PPFIA2: variants seen among roughly 807,000 people sequenced by gnomAD.
The protein encoded by PPFIA2 is liprin-alpha-2.
PPFIA2 carries 46 observed loss-of-function variants against 175.5 expected under a neutral mutation model. The ratio of observed to expected loss-of-function variants is 0.26; its 90% CI spans 0.21 to 0.34. The LOEUF (loss-of-function observed/expected upper bound fraction) is 0.34. Ranked by LOEUF, PPFIA2 falls within the 10% of genes least tolerant of loss-of-function variation. The pLI, the probability that PPFIA2 is intolerant of heterozygous loss-of-function variation, is 1.00. For missense variants in PPFIA2, 1,179 were observed against 1,506.1 expected, an observed-to-expected ratio of 0.78 and a Z score of 3.60; for synonymous variants, 568 against 511.4, an observed-to-expected ratio of 1.11 and a Z score of -1.49.
chr12:81,361,808 C>T (rs2030537718), intron 15 of PPFIA2, among the ~76,000 whole-genome samples: 1 of 148,806 alleles, frequency 6.7e-6, no homozygotes, highest in Admixed American at 6.7e-5. Flanking sequence ...GAAAGATGAA[C>T]TTCTACTAAA....
intron 4 of PPFIA2, among the ~76,000 whole-genome samples, chr12:81,550,059 A>C (rs2067649595): frequency 6.6e-6 from 1 of 151,978 alleles, no homozygotes; most frequent in African/African-American, 2.4e-5. Context: ...GTTTAGTCTA[A>C]ATATTGTCTT....
At chr12:81,658,857 A>G (rs1425703331) in intron 4 of PPFIA2, among the ~76,000 whole-genome samples, 2 of 152,190 alleles carry the variant, frequency 1.3e-5, no homozygotes, top group African/African-American at 2.4e-5. Context: ...TATGGTTAAA[A>G]TGATATTTCC....
At chr12:81,503,250 T>A (rs1018987700) in intron 4 of PPFIA2, among the ~76,000 whole-genome samples, 4 of 152,204 alleles carry the variant, frequency 2.6e-5, no homozygotes, top group African/African-American at 9.6e-5. Flanking sequence ...ATTTTTCCTT[T>A]TAGAAGCTTC....
chr12:81,297,926 A>G (rs2046887505), intron 23 of PPFIA2: 1 of 152,342 alleles, frequency 6.6e-6, no homozygotes, highest in Non-Finnish European at 1.5e-5. Context: ...ATTCCATTTT[A>G]TAATTTAAGT....
At chr12:81,387,481 C>G (rs1448367820) in intron 8 of PPFIA2, among the ~76,000 whole-genome samples, 1 of 151,946 alleles carries the variant, frequency 6.6e-6, no homozygotes, top group African/African-American at 2.4e-5. Context: ...AGGCAAATGG[C>G]AAGAAGTACT....
intron 4 of PPFIA2, among the ~76,000 whole-genome samples, chr12:81,671,136 T>C: frequency 6.6e-6 from 1 of 151,908 alleles, no homozygotes; most frequent in East Asian, 1.9e-4. Flanking sequence ...AATCCCTCAT[T>C]TCCCCCTTGA....
chr12:81,431,765 C>A (rs550097640), intron 7 of PPFIA2, among the ~76,000 whole-genome samples: 1 of 152,064 alleles, frequency 6.6e-6, no homozygotes, highest in Non-Finnish European at 1.5e-5. Flanking sequence ...TACCACTAGT[C>A]TATAAAACCG....
chr12:81,454,142 C>A (rs1406209814), intron 5 of PPFIA2, among the ~76,000 whole-genome samples: 1 of 152,046 alleles, frequency 6.6e-6, no homozygotes, highest in Admixed American at 6.6e-5. Flanking sequence ...TCACCTGAGT[C>A]CAGGGAACTC....
At chr12:81,721,574 G>A (rs1373531645) in intron 3 of PPFIA2, among the ~76,000 whole-genome samples, 1 of 151,110 alleles carries the variant, frequency 6.6e-6, no homozygotes. Flanking sequence ...AAAGAATTGG[G>A]GGTCTCACAA....
intron 9 of PPFIA2, among the ~76,000 whole-genome samples, chr12:81,382,737 C>A (rs1020559179): frequency 6.6e-6 from 1 of 151,996 alleles, no homozygotes; most frequent in Admixed American, 6.6e-5. Context: ...AGAAAAGAGT[C>A]TGAAGTGCTA....
chr12:81,711,780 C>A (rs768908116), intron 3 of PPFIA2, among the ~76,000 whole-genome samples: 1 of 149,208 alleles, frequency 6.7e-6, no homozygotes, highest in African/African-American at 2.5e-5. Flanking sequence ...GCTATACTTA[C>A]ATTTTTTTTT....
intron 3 of PPFIA2, among the ~76,000 whole-genome samples, chr12:81,690,105 G>A (rs1269064043): frequency 2.0e-5 from 3 of 152,048 alleles, no homozygotes; most frequent in African/African-American, 7.2e-5. Flanking sequence ...AGAATATAGT[G>A]GCATTTTAAT....
chr12:81,299,187 G>A, intron 23 of PPFIA2, 114 bp downstream of exon 23: 3 of 1,353,626 alleles, frequency 2.2e-6, no homozygotes, highest in East Asian at 2.6e-5. Context: ...TCCCTTATGA[G>A]CAATTCCAGA....
intron 4 of PPFIA2, among the ~76,000 whole-genome samples, chr12:81,503,000 GA>G (rs1395770290): frequency 1.3e-5 from 2 of 152,048 alleles, no homozygotes. Context: ...CAGAGGAAGA[GA>G]AAGAGAATTC....
intron 7 of PPFIA2, chr12:81,430,151 A>G (rs1285527389): frequency 6.6e-6 from 1 of 152,054 alleles, no homozygotes; most frequent in Non-Finnish European, 1.5e-5. Flanking sequence ...TCTTAAAATT[A>G]TAGTTATCCT....
At chr12:81,568,488 G>A (rs868578105) in intron 4 of PPFIA2, among the ~76,000 whole-genome samples, 46 of 152,140 alleles carry the variant, frequency 3.0e-4, no homozygotes, top group African/African-American at 1.0e-3. Context: ...TGAATGGGTG[G>A]CCGGCCCTCC....
intron 3 of PPFIA2, among the ~76,000 whole-genome samples, chr12:81,721,664 G>A (rs919331772): frequency 5.9e-4 from 89 of 151,062 alleles, no homozygotes; most frequent in Non-Finnish European, 9.8e-4. Flanking sequence ...AAAAGTTTAC[G>A]ATGAGAAAAA....
At chr12:81,644,501 A>G (rs2065788469) in intron 4 of PPFIA2, among the ~76,000 whole-genome samples, 1 of 152,112 alleles carries the variant, frequency 6.6e-6, no homozygotes, top group Non-Finnish European at 1.5e-5. Context: ...TAGCAAGTAC[A>G]ATATTGCAGA....
intron 8 of PPFIA2, among the ~76,000 whole-genome samples, chr12:81,397,467 T>C (rs998003343): frequency 6.6e-6 from 1 of 152,040 alleles, no homozygotes; most frequent in African/African-American, 2.4e-5. Context: ...CTATTAACTA[T>C]GTCATATACT....
Sources: gnomAD v4.1 joint callset for allele counts (sites outside exome capture counted in the v4.1 genomes callset) on GRCh38, gnomAD v4.1.1 for gene constraint, MANE v1.5 for transcripts, NCBI Gene and HGNC (gene_info 2026-07-23, HGNC 2026-07-21) for gene names.